Variants in CFHR5 observed in about 807,000 individuals in gnomAD.
The protein encoded by CFHR5 is complement factor H-related protein 5.
CFHR5 carries 73 observed loss-of-function variants against 62.9 expected under a neutral mutation model. That is an observed-to-expected ratio of 1.16 (90% CI 0.96 to 1.41). CFHR5 has a LOEUF of 1.41. Among genes scored for constraint, CFHR5 ranks in the 40% most tolerant of loss-of-function variants. The probability of loss-of-function intolerance (pLI) is 0.00; values close to 1 mark genes in which losing one functional copy is unlikely to be tolerated. For missense variants in CFHR5, 779 were observed against 679.9 expected (o/e 1.15, Z -1.62); for synonymous variants, 249 against 227.2 (o/e 1.10, Z -0.86).
intron 3 of CFHR5, among the ~76,000 whole-genome samples, chr1:196,991,958 C>G (rs561544184): frequency 6.6e-6 from 1 of 152,348 alleles, no homozygotes; most frequent in East Asian, 1.9e-4. Flanking sequence ...ACAGAAGTTT[C>G]TGCTGCCTTT....
At chr1:196,998,472 T>C (rs959761544) in intron 7 of CFHR5, among the ~76,000 whole-genome samples, 168 bp downstream of exon 7, 6 of 152,050 alleles carry the variant, frequency 3.9e-5, no homozygotes, top group Non-Finnish European at 7.4e-5. Flanking sequence ...TGTTATTCTT[T>C]AAAAGCCTTG....
chr1:197,001,149 C>T (rs189118346), intron 7 of CFHR5, among the ~76,000 whole-genome samples: 2 of 152,182 alleles, frequency 1.3e-5, no homozygotes, highest in African/African-American at 2.4e-5. Flanking sequence ...TTTAAGTTCA[C>T]GCTTTTCTTA....
chr1:196,990,845 T>C (rs1363992164), intron 3 of CFHR5, among the ~76,000 whole-genome samples: 1 of 151,792 alleles, frequency 6.6e-6, no homozygotes, highest in Non-Finnish European at 1.5e-5. Flanking sequence ...GACAATTATG[T>C]GTCCTGCTCT....
intron 6 of CFHR5, among the ~76,000 whole-genome samples, chr1:196,997,318 A>G (rs954582619): frequency 6.6e-6 from 1 of 152,274 alleles, no homozygotes; most frequent in South Asian, 2.1e-4. Context: ...ATATATCTTC[A>G]TGGTCATCAA....
At chr1:196,980,030 T>A (rs1024272628) in intron 1 of CFHR5, among the ~76,000 whole-genome samples, 6 of 152,124 alleles carry the variant, frequency 3.9e-5, no homozygotes, top group Non-Finnish European at 8.8e-5. Flanking sequence ...TTTATTTACC[T>A]TCTACACCTT....
In CFHR5 at chr1:197,008,602, C is replaced by T. The variant is rs762380054; in HGVS notation, c.1629C>T (p.Phe543=). The change falls in exon 10 of 10, where the codon TTC becomes TTT. Residue 543 remains phenylalanine, a synonymous_variant. Transcript: ENST00000256785. ...TGDAVEFQCK[F]PHKAMISSPP... is the part of the protein sequence containing the mutation. ...ATGCTGTTGAATTCCAGTGTAAATT[C>T]CCACATAAAGCGATGATATCATCAC... The T allele has an allele frequency of 1.2e-6, 2 of 1,613,704 alleles. No homozygotes were observed. Among genetic ancestry groups the T allele is most frequent in the Non-Finnish European group, 1.7e-6 (2 of 1,179,764 alleles).
At chr1:197,002,973 C>T (rs1654192609) in intron 8 of CFHR5, among the ~76,000 whole-genome samples, 1 of 152,068 alleles carries the variant, frequency 6.6e-6, no homozygotes, top group South Asian at 2.1e-4. Context: ...GTCACAATGG[C>T]CTATAGTATT....
chr1:197,003,191 C>T (rs887897376), intron 8 of CFHR5, among the ~76,000 whole-genome samples: 1 of 152,156 alleles, frequency 6.6e-6, no homozygotes, highest in Non-Finnish European at 1.5e-5. Flanking sequence ...ATGTGCAGTT[C>T]ACAATAGGGT....
chr1:196,983,777 C>CATAT (rs1558282567), intron 2 of CFHR5, among the ~76,000 whole-genome samples, 184 bp from the exon 3 acceptor site: 10 of 151,564 alleles, frequency 6.6e-5, no homozygotes, highest in Admixed American at 2.6e-4. Context: ...TATTAACTTT[C>CATAT]GTATATATAT....
In CFHR5 at chr1:196,994,199, T is replaced by A; in HGVS notation, c.550T>A (p.Ser184Thr). ...SCRKNLIRVG[S>T]DSVQCYQFGW... ...CAGAAAAAATCTTATAAGAGTTGGATCAGACTCAGTTCAATGTTACCAATT... is the reference window on the plus strand; with the variant it reads ...CAGAAAAAATCTTATAAGAGTTGGAACAGACTCAGTTCAATGTTACCAATT... The change falls in exon 4 of 10, where the codon TCA (serine) becomes ACA (threonine). Residue 184 changes from serine to threonine, a missense_variant. Transcript: ENST00000256785. 1 of 1,613,678 alleles carries A rather than the reference T, an allele frequency of 6.2e-7. No individual in the cohort carries two copies. The highest frequency in any genetic ancestry group is 8.5e-7 in the Non-Finnish European group (1 of 1,179,758).
intron 9 of CFHR5, among the ~76,000 whole-genome samples, chr1:197,008,244 C>T (rs2125041595): frequency 6.6e-6 from 1 of 151,476 alleles, no homozygotes; most frequent in South Asian, 2.1e-4. Flanking sequence ...TATTCTGGCT[C>T]AAAACACTCA....
Position 196,996,040 on chromosome 1 carries a change from G to A in CFHR5, c.809G>A (p.Gly270Glu), listed in dbSNP as rs771400518. Residue 270 changes from glycine to glutamate, a missense_variant, in exon 6 of 10, where the codon GGA becomes GAA. By Grantham distance (98) the Gly-to-Glu change is moderately conservative. Coordinates refer to ENST00000256785, the MANE Select transcript of CFHR5 (RefSeq NM_030787.4). ...TTCTTAGAACAAGTGAAAACATGTG[G>A]ATACATACCTGAACTCGAGTACGGT... Reference protein sequence around the residue: ...PTCVEQVKTCGYIPELEYGYV... With the variant: ...PTCVEQVKTCEYIPELEYGYV... 1.9e-6 allele frequency: 3 copies of A among 1,613,822 alleles called. No homozygotes were observed. The highest frequency in any genetic ancestry group is 2.5e-6 in the Non-Finnish European group (3 of 1,179,832).
At chr1:196,985,962 T>G (rs955771757) in intron 3 of CFHR5, among the ~76,000 whole-genome samples, 5 of 152,232 alleles carry the variant, frequency 3.3e-5, no homozygotes, top group Non-Finnish European at 7.3e-5. Flanking sequence ...AGCACATATC[T>G]TATTGTTCAA....
At chr1:196,993,186 T>C (rs1029484905) in intron 3 of CFHR5, among the ~76,000 whole-genome samples, 5 of 152,280 alleles carry the variant, frequency 3.3e-5, no homozygotes, top group African/African-American at 1.2e-4. Context: ...AGATGGGTTT[T>C]TTAAAAGTCT....
intron 4 of CFHR5, among the ~76,000 whole-genome samples, chr1:196,995,102 A>C (rs1653954740): frequency 6.6e-6 from 1 of 152,172 alleles, no homozygotes; most frequent in Non-Finnish European, 1.5e-5. Flanking sequence ...AGTTATAACT[A>C]TACATTGCAT....
At chr1:196,996,299 T>C in intron 6 of CFHR5, 98 bp downstream of exon 6, 1 of 917,294 alleles carries the variant, frequency 1.1e-6, no homozygotes, top group Non-Finnish European at 1.8e-6. Flanking sequence ...ATTTTATTGA[T>C]ACTGACTCTT....
intron 3 of CFHR5, among the ~76,000 whole-genome samples, chr1:196,986,842 T>C (rs1653696308): frequency 6.6e-6 from 1 of 152,192 alleles, no homozygotes; most frequent in South Asian, 2.1e-4. Flanking sequence ...TGTGCATGTA[T>C]CTTTATAGCA....
rs576196434 is a variant in CFHR5, at chr1:196,983,954, TC to T, written c.254-5del. On this transcript the variant is annotated splice_region_variant and splice_polypyrimidine_tract_variant and intron_variant, in intron 2 of 9. Transcript: ENST00000256785. ...ATCTTGTACATTAATCAATTTTTGT[TC>T]CTTAGGAATGTGTTCCTTTCCTTTT... The T allele has an allele frequency of 3.1e-5, 49 of 1,602,540 alleles. No homozygotes were observed. The African/African-American group carries it at 6.0e-4, about 20-fold the overall frequency.
In CFHR5 at chr1:197,009,446, A is replaced by T. The variant is rs1461520226; in HGVS notation, c.*763A>T. ...ATCTAATCCCTCCTGTTTGTCTCAA[A>T]TTATAGGATAACTTTGAAACTTTCT... On this transcript the variant is annotated 3_prime_UTR_variant, in exon 10 of 10. Coordinates refer to ENST00000256785, the MANE Select transcript of CFHR5 (RefSeq NM_030787.4). 1 of 152,190 alleles carries T rather than the reference A, an allele frequency of 6.6e-6. No individual in the cohort carries two copies. Among genetic ancestry groups the T allele is most frequent in the African/African-American group, 2.4e-5 (1 of 41,446 alleles). The allele number at this position is 152,190 out of a possible 1,614,324, so 9.4% of individuals were successfully genotyped here.
Sources: allele counts gnomAD v4.1 joint callset (sites outside exome capture counted in the v4.1 genomes callset), GRCh38; gene constraint gnomAD v4.1.1; transcripts MANE v1.5; gene names NCBI Gene and HGNC (gene_info 2026-07-23, HGNC 2026-07-21).